Variants in BTRC observed in about 807,000 individuals in gnomAD.
BTRC encodes F-box/WD repeat-containing protein 1A.
A neutral mutation model predicts 85.5 loss-of-function variants in BTRC; 42 were observed. The ratio of observed to expected loss-of-function variants is 0.49; its 90% CI spans 0.38 to 0.64. The LOEUF (loss-of-function observed/expected upper bound fraction) is 0.64, where lower values mean the gene tolerates loss of function less well. Among genes scored for constraint, BTRC ranks in the 30% least tolerant of loss-of-function variants. The probability of loss-of-function intolerance (pLI) is 0.00; values close to 1 mark genes in which losing one functional copy is unlikely to be tolerated. For synonymous variants in BTRC, 255 were observed against 263.3 expected, an observed-to-expected ratio of 0.97 and a Z score of 0.30; for missense variants, 594 against 743.5, an observed-to-expected ratio of 0.80 and a Z score of 2.34.
Position 101,408,167 on chromosome 10 carries a change from G to A in BTRC, c.49-22178G>A, listed in dbSNP as rs573730043. Among the ~76,000 whole-genome samples, 24 of 152,294 alleles carry A rather than the reference G, an allele frequency of 1.6e-4. 1 individual carries two copies. In the South Asian group the frequency reaches 2.9e-3, roughly 18 times the overall value. On this transcript the variant is annotated intron_variant, in intron 1 of 14. Transcript: ENST00000370187. ...GCCACCATTCAAGTGCTCAGTAGCCGTATGTGACTAGTGGTTATTGTATTG... is the reference window on the plus strand; with the variant it reads ...GCCACCATTCAAGTGCTCAGTAGCCATATGTGACTAGTGGTTATTGTATTG...
chr10:101,505,712 C>T (rs1292592150), intron 4 of BTRC, among the ~76,000 whole-genome samples: 1 of 151,790 alleles, frequency 6.6e-6, no homozygotes, highest in East Asian at 1.9e-4. Context: ...AAATTATGGG[C>T]AATTTCCATG....
intron 5 of BTRC, among the ~76,000 whole-genome samples, chr10:101,522,373 A>C (rs1232458286): frequency 2.9e-5 from 2 of 69,242 alleles, no homozygotes; most frequent in African/African-American, 5.2e-5. Flanking sequence ...AAAACAAAAA[A>C]AAACAAAAAA....
chr10:101,437,690 T>C (rs1944567307), intron 2 of BTRC, among the ~76,000 whole-genome samples: 1 of 152,218 alleles, frequency 6.6e-6, no homozygotes, highest in Admixed American at 6.5e-5. Flanking sequence ...GCTGCTCACA[T>C]GTTTTTGAAT....
At chr10:101,436,703 G>T (rs1325869119) in intron 2 of BTRC, among the ~76,000 whole-genome samples, 4 of 152,120 alleles carry the variant, frequency 2.6e-5, no homozygotes, top group Non-Finnish European at 1.5e-5. Context: ...TAGCTATCAA[G>T]TGTAACCAGT....
At chr10:101,547,081 G>A (rs1364940383) in intron 13 of BTRC, among the ~76,000 whole-genome samples, 5 of 152,190 alleles carry the variant, frequency 3.3e-5, no homozygotes, top group Admixed American at 1.3e-4. Context: ...GACTAATAAT[G>A]GCTAAGCTAT....
intron 3 of BTRC, among the ~76,000 whole-genome samples, chr10:101,472,275 C>CTCTCGTCTCTTCTCTTCTCTTCTCT (rs1945546834): frequency 8.8e-6 from 1 of 114,244 alleles, no homozygotes; most frequent in Non-Finnish European, 1.9e-5. Flanking sequence ...TTTTCTTTTC[C>CTCTCGTCTCTTCTCTTCTCTTCTCT]TCTCTTCTCT....
intron 5 of BTRC, among the ~76,000 whole-genome samples, chr10:101,525,516 C>G (rs2062177262): frequency 6.6e-6 from 1 of 152,078 alleles, no homozygotes; most frequent in South Asian, 2.1e-4. Context: ...ATTCTATAAC[C>G]CAGCACATTC....
chr10:101,497,117 T>A (rs1196302381), intron 4 of BTRC, among the ~76,000 whole-genome samples: 1 of 152,190 alleles, frequency 6.6e-6, no homozygotes, highest in Admixed American at 6.5e-5. Context: ...GAATTCTTTG[T>A]TTTCCAGTGT....
chr10:101,381,962 C>CTT lies in BTRC; in HGVS notation c.48+27771_48+27772dup, dbSNP rs71016314. 1.1e-3 allele frequency among the ~76,000 whole-genome samples: 55 copies of CTT among 49,156 alleles called. 14 individuals carry two copies. The highest frequency in any genetic ancestry group is 2.2e-3 in the African/African-American group (20 of 8,978). 32.2% of individuals were successfully genotyped at this position (49,156 alleles called of 152,430 possible). The stretch of plus-strand genomic sequence containing the variant: ...GAACCCCTAGTTATCCTAAGAATGT[C>CTT]TTTTTTTTTTTTTTTTTTTTTTTTT... On this transcript the variant is annotated intron_variant, in intron 1 of 14. Transcript: ENST00000370187.
chr10:101,395,345 C>T (rs1943337741), intron 1 of BTRC, among the ~76,000 whole-genome samples: 1 of 152,038 alleles, frequency 6.6e-6, no homozygotes, highest in Non-Finnish European at 1.5e-5. Context: ...CCCTTTTTTC[C>T]CAACACCCTC....
At chr10:101,506,361 A>T (rs920990473) in intron 4 of BTRC, among the ~76,000 whole-genome samples, 1 of 152,220 alleles carries the variant, frequency 6.6e-6, no homozygotes, top group Non-Finnish European at 1.5e-5. Flanking sequence ...TCTAAGTCCT[A>T]TAAGACCTTT....
intron 1 of BTRC, among the ~76,000 whole-genome samples, chr10:101,405,851 C>T (rs762350938): frequency 6.6e-6 from 1 of 152,074 alleles, no homozygotes; most frequent in African/African-American, 2.4e-5. Context: ...CCTTCATGGC[C>T]CATCTTAAGG....
At chr10:101,453,123 A>G (rs1455342587) in intron 2 of BTRC, among the ~76,000 whole-genome samples, 1 of 152,188 alleles carries the variant, frequency 6.6e-6, no homozygotes, top group Middle Eastern at 3.2e-3. Flanking sequence ...GTAAATTTAT[A>G]TTTGGAAGCT....
At chr10:101,537,452 A>G (rs935682972) in intron 12 of BTRC, among the ~76,000 whole-genome samples, 14 of 152,096 alleles carry the variant, frequency 9.2e-5, no homozygotes, top group African/African-American at 3.4e-4. Context: ...TGCTTGAACC[A>G]GGGAGGCAGA....
intron 13 of BTRC, among the ~76,000 whole-genome samples, chr10:101,547,340 T>C (rs2062574505): frequency 1.4e-5 from 2 of 139,954 alleles, no homozygotes; most frequent in Admixed American, 7.1e-5. Flanking sequence ...TTTTTTTTTT[T>C]TTTTTTTTTT....
intron 3 of BTRC, among the ~76,000 whole-genome samples, chr10:101,476,838 A>T: frequency 6.6e-6 from 1 of 152,128 alleles, no homozygotes; most frequent in South Asian, 2.1e-4. Context: ...GTGTCTTAAG[A>T]TTTTTCTTCT....
intron 1 of BTRC, among the ~76,000 whole-genome samples, chr10:101,368,533 G>C (rs550814735): frequency 7.4e-6 from 1 of 135,390 alleles, no homozygotes; most frequent in African/African-American, 2.9e-5. Context: ...AGGCCGGAGT[G>C]CAGTGGCATG....
intron 4 of BTRC, among the ~76,000 whole-genome samples, chr10:101,497,890 C>T (rs1338882473): frequency 2.0e-5 from 3 of 151,844 alleles, no homozygotes; most frequent in Admixed American, 6.6e-5. Context: ...CATGGTGGCA[C>T]GTGCCTGTAG....
chr10:101,415,536 G>T (rs182184328), intron 1 of BTRC, among the ~76,000 whole-genome samples: 69,039 of 87,766 alleles, frequency 0.79, 25,952 homozygotes, highest in East Asian at 0.9. Context: ...GTTATGTTAT[G>T]TTATGTTATG....
Sources: gnomAD v4.1 joint callset for allele counts (sites outside exome capture counted in the v4.1 genomes callset) on GRCh38, gnomAD v4.1.1 for gene constraint, MANE v1.5 for transcripts, NCBI Gene and HGNC (gene_info 2026-07-23, HGNC 2026-07-21) for gene names.